The following ABI2 variants were observed in gnomAD, a reference collection of about 807,000 sequenced individuals.
ABI2 encodes abl interactor 2.
A neutral mutation model predicts 59.2 loss-of-function variants in ABI2; 25 were observed. The ratio of observed to expected loss-of-function variants is 0.42; its 90% CI spans 0.31 to 0.59. The LOEUF (loss-of-function observed/expected upper bound fraction) is 0.59, where lower values mean the gene tolerates loss of function less well. Among genes scored for constraint, ABI2 ranks in the 20% least tolerant of loss-of-function variants. The pLI is 0.14. For synonymous variants in ABI2, 213 were observed against 235.5 expected (o/e 0.90, Z 0.87); for missense variants, 545 against 681.8 (o/e 0.80, Z 2.23).
chr2:203,330,916 C>T (rs530939083), intron 1 of ABI2, among the ~76,000 whole-genome samples: 66 of 152,036 alleles, frequency 4.3e-4, no homozygotes, highest in Non-Finnish European at 8.5e-4. Flanking sequence ...TTATACATTT[C>T]CTTCAGTTGA....
intron 11 of ABI2, among the ~76,000 whole-genome samples, chr2:203,425,259 T>C (rs530851932): frequency 7.9e-5 from 12 of 152,274 alleles, no homozygotes; most frequent in African/African-American, 2.4e-4. Flanking sequence ...AGTCTCACTC[T>C]GTCACCAAGG....
chr2:203,342,100 T>G (rs1217149965), intron 1 of ABI2: 1 of 411,080 alleles, frequency 2.4e-6, no homozygotes, highest in South Asian at 1.8e-5. Flanking sequence ...TCCTCATTTC[T>G]TAGTGTTCAG....
intron 10 of ABI2, among the ~76,000 whole-genome samples, chr2:203,411,611 C>A (rs912431006): frequency 1.7e-4 from 26 of 152,082 alleles, no homozygotes; most frequent in African/African-American, 6.3e-4. Context: ...AGATCACATC[C>A]TACTGAGGAG....
chr2:203,366,201 C>G (rs1310435128), intron 1 of ABI2, among the ~76,000 whole-genome samples: 1 of 152,042 alleles, frequency 6.6e-6, no homozygotes, highest in African/African-American at 2.4e-5. Context: ...TGCCTGTAAT[C>G]CCGGCACTTC....
chr2:203,420,981 G>A (rs1342287780), intron 11 of ABI2, among the ~76,000 whole-genome samples: 1 of 151,656 alleles, frequency 6.6e-6, no homozygotes, highest in Non-Finnish European at 1.5e-5. Context: ...GTTGTAGGGA[G>A]AGAGGGTGAT....
intron 1 of ABI2, among the ~76,000 whole-genome samples, chr2:203,345,056 C>G (rs532141728): frequency 6.6e-6 from 1 of 152,134 alleles, no homozygotes; most frequent in Non-Finnish European, 1.5e-5. Context: ...GGCAACCCGC[C>G]GGGGTCCTCT....
Position 203,395,703 on chromosome 2 carries a change from G to T in ABI2, c.773G>T (p.Ser258Ile). 2 of 1,612,752 alleles carry T rather than the reference G, an allele frequency of 1.2e-6. No individual in the cohort carries two copies. Among genetic ancestry groups the T allele is most frequent in the Non-Finnish European group, 8.5e-7 (1 of 1,179,444 alleles). Reference protein sequence around the residue: ...GGSHPSSRSSSRENSGSGSVG... With the variant: ...GGSHPSSRSSIRENSGSGSVG... ...AGCCACCCAAGTAGTCGGAGCAGCA[G>T]TCGAGAGAACAGTGGAAGTGGTAGT... The change falls in exon 7 of 12, where the codon AGT (serine) becomes ATT (isoleucine). Residue 258 changes from serine (S) to isoleucine (I), a missense_variant. By Grantham distance (142) the Ser-to-Ile change is moderately radical (BLOSUM62 -2). This residue lies in a region of ABI2 where 410 missense variants were observed against 435.6 expected (regional missense o/e 0.94). Coordinates refer to ENST00000261018, the MANE Select transcript of ABI2 (RefSeq NM_001375670.1).
intron 11 of ABI2, among the ~76,000 whole-genome samples, chr2:203,419,584 A>G (rs1240678991): frequency 2.2e-5 from 3 of 138,350 alleles, no homozygotes; most frequent in Non-Finnish European, 4.6e-5. Flanking sequence ...TCACCGTGTT[A>G]GCCAGGATGG....
chr2:203,404,403 A>G (rs1035797431), intron 9 of ABI2, among the ~76,000 whole-genome samples: 4 of 152,152 alleles, frequency 2.6e-5, no homozygotes, highest in African/African-American at 9.7e-5. Context: ...TATCACGTTT[A>G]GTGTTTTTGG....
intron 5 of ABI2, among the ~76,000 whole-genome samples, chr2:203,393,498 C>G (rs925037548): frequency 1.3e-5 from 2 of 152,210 alleles, no homozygotes; most frequent in Non-Finnish European, 2.9e-5. Flanking sequence ...AATCCAAAGT[C>G]CTGACATTAC....
intron 4 of ABI2, among the ~76,000 whole-genome samples, chr2:203,384,733 T>A (rs1476397666): frequency 6.6e-6 from 1 of 152,178 alleles, no homozygotes; most frequent in Non-Finnish European, 1.5e-5. Flanking sequence ...ACTTAAGTAT[T>A]TTTAAAATAA....
At chr2:203,372,649 C>G (rs2095344698) in intron 2 of ABI2, among the ~76,000 whole-genome samples, 1 of 151,376 alleles carries the variant, frequency 6.6e-6, no homozygotes, top group Non-Finnish European at 1.5e-5. Flanking sequence ...GCTGGCCGGG[C>G]AGAGGGGCTC....
intron 1 of ABI2, among the ~76,000 whole-genome samples, chr2:203,346,621 A>G (rs955285408): frequency 1.3e-5 from 2 of 152,152 alleles, no homozygotes; most frequent in Non-Finnish European, 2.9e-5. Context: ...CACCACATTT[A>G]ACTCTAGGGA....
chr2:203,402,821 ATGGTAGG>A (rs2097275008), intron 9 of ABI2, 87 bp downstream of exon 9: 1 of 1,158,704 alleles, frequency 8.6e-7, no homozygotes, highest in Non-Finnish European at 1.2e-6. Context: ...CAAATAGTGC[ATGGTAGG>A]TGGTTAGCAC....
intron 11 of ABI2, among the ~76,000 whole-genome samples, chr2:203,422,557 A>G (rs1445380177): frequency 6.6e-6 from 1 of 152,196 alleles, no homozygotes; most frequent in African/African-American, 2.4e-5. Context: ...GAAGCGTAGT[A>G]ATCAGATAAC....
rs754127972 is a variant in ABI2, at chr2:203,431,284, C to T, written c.*3932C>T. On this transcript the variant is annotated 3_prime_UTR_variant, in exon 12 of 12. Coordinates refer to ENST00000261018, the MANE Select transcript of ABI2 (RefSeq NM_001375670.1). The stretch of plus-strand genomic sequence containing the variant: ...AGTTAATAACAGCAGAGTTCTCACT[C>T]AGTGCTCAGTACTTAATTTTCCACT... 6 of 152,594 alleles carry T rather than the reference C, an allele frequency of 3.9e-5. No homozygotes were observed. The highest frequency in any genetic ancestry group is 9.7e-5 in the African/African-American group (4 of 41,424). The allele number at this position is 152,594 out of a possible 1,614,324, so 9.5% of individuals were successfully genotyped here. A position where few individuals can be genotyped will look rare whatever the true frequency, so the allele number is the denominator to read the frequency against.
rs867671597 is a variant in ABI2 at position 203,385,155 on chromosome 2, G to T, written c.480+2949G>T. Among the ~76,000 whole-genome samples, 2 of 12,408 alleles carry T rather than the reference G, an allele frequency of 1.6e-4. 1 individual carries two copies. The highest frequency in any genetic ancestry group is 7.9e-4 in the Non-Finnish European group (2 of 2,542). The allele number at this position is 12,408 out of a possible 152,430, so 8.1% of individuals were successfully genotyped here. ...GCTCAGATTCTTTTTTTTTTTTTGA[G>T]ACAGTCTTGCCGTTGCCCAGGCTGG... is the stretch of plus-strand genomic sequence containing the variant. On this transcript the variant is annotated intron_variant, in intron 4 of 11. Transcript: ENST00000261018.
At chr2:203,352,345 TA>T (rs913926140) in intron 1 of ABI2, among the ~76,000 whole-genome samples, 2 of 151,944 alleles carry the variant, frequency 1.3e-5, no homozygotes, top group Admixed American at 6.6e-5. Flanking sequence ...TCCTACTTAT[TA>T]AAAAAAAGTT....
At chr2:203,363,503 A>C (rs148890452) in intron 1 of ABI2, among the ~76,000 whole-genome samples, 4 of 140,960 alleles carry the variant, frequency 2.8e-5, no homozygotes, top group African/African-American at 2.7e-5. Context: ...CTTTCCCTCT[A>C]CCTCCTCCTG....
Sources: gnomAD v4.1 joint callset for allele counts (sites outside exome capture counted in the v4.1 genomes callset) on GRCh38, gnomAD v4.1.1 for gene constraint, gnomAD v4.1.1 regional missense constraint, MANE v1.5 for transcripts, NCBI Gene and HGNC (gene_info 2026-07-23, HGNC 2026-07-21) for gene names.